The following DPY19L3 variants were observed in gnomAD, a reference collection of about 807,000 sequenced individuals.
DPY19L3 encodes the protein dpy-19 like C-mannosyltransferase 3.
DPY19L3 carries 51 observed loss-of-function variants against 92.3 expected under a neutral mutation model. The ratio of observed to expected loss-of-function variants is 0.55; its 90% confidence interval spans 0.44 to 0.70. DPY19L3 has a LOEUF of 0.70. Ranked by LOEUF, DPY19L3 falls within the 30% of genes least tolerant of loss-of-function variation. The probability of loss-of-function intolerance (pLI) is 0.00; values close to 1 mark genes in which losing one functional copy is unlikely to be tolerated. For synonymous variants in DPY19L3, 309 were observed against 315.2 expected (o/e 0.98, Z 0.21); for missense variants, 706 against 855.9 (o/e 0.82, Z 2.18).
chr19:32,478,680 C>T (rs538154668), intron 17 of DPY19L3, among the ~76,000 whole-genome samples: 12 of 152,308 alleles, frequency 7.9e-5, no homozygotes, highest in African/African-American at 2.6e-4. Flanking sequence ...TCTGCTTCTT[C>T]GGCATTTAAT....
At chr19:32,426,651 T>C (rs1968775391) in intron 3 of DPY19L3, among the ~76,000 whole-genome samples, 1 of 152,170 alleles carries the variant, frequency 6.6e-6, no homozygotes. Context: ...AACACACACA[T>C]TTCAGTTCAC....
intron 15 of DPY19L3, among the ~76,000 whole-genome samples, chr19:32,467,202 G>A (rs1970227333): frequency 6.6e-6 from 1 of 152,160 alleles, no homozygotes; most frequent in African/African-American, 2.4e-5. Flanking sequence ...AGTTAATTCA[G>A]CACTTTCATA....
rs1599654911 is a variant in DPY19L3, at chr19:32,459,201, G to T, written c.1322+692G>T. On this transcript the variant is annotated intron_variant, in intron 12 of 18. Coordinates refer to ENST00000392250, the MANE Select transcript of DPY19L3 (RefSeq NM_001172774.2). Reference sequence around the variant, plus strand: ...GAAAGAAAAAAATCAGGAGTATGAAGGCTTTTTAAAAACTTGTAAGAATAT... The same window carrying T: ...GAAAGAAAAAAATCAGGAGTATGAATGCTTTTTAAAAACTTGTAAGAATAT... 2.0e-5 allele frequency among the ~76,000 whole-genome samples: 3 copies of T among 152,168 alleles called. No individual in the cohort carries two copies. In the South Asian group the frequency reaches 6.2e-4, roughly 32 times the overall value.
In DPY19L3 at chr19:32,482,313, T is replaced by G; in HGVS notation, c.*73T>G. ...ATGATGAAACTCAATAGATGACGTT[T>G]CCTATGTAAGTAGGTAGCCCAAACC... On this transcript the variant is annotated 3_prime_UTR_variant, in exon 19 of 19. Coordinates refer to ENST00000392250, the MANE Select transcript of DPY19L3 (RefSeq NM_001172774.2). 1 of 1,544,832 alleles carries G rather than the reference T, an allele frequency of 6.5e-7. No individual in the cohort carries two copies. Among genetic ancestry groups the G allele is most frequent in the Non-Finnish European group, 8.7e-7 (1 of 1,143,318 alleles).
chr19:32,460,295 TAAC>T lies in DPY19L3; in HGVS notation c.1322+1789_1322+1791del, dbSNP rs1211641234. 4.6e-5 allele frequency among the ~76,000 whole-genome samples: 7 copies of T among 152,188 alleles called. No homozygotes were observed. In the East Asian group the frequency reaches 1.4e-3, roughly 29 times the overall value. ...GCACGATGGTGCAAACCTGTAGTGC[TAAC>T]AAGTCGGGAGGCTAAGGCGGGAGGA... On this transcript the variant is annotated intron_variant, in intron 12 of 18. Coordinates refer to ENST00000392250, the MANE Select transcript of DPY19L3 (RefSeq NM_001172774.2).
At chr19:32,463,761 A>G (rs1970114829) in intron 13 of DPY19L3, 108 bp from the exon 14 acceptor site, 1 of 1,006,056 alleles carries the variant, frequency 9.9e-7, no homozygotes, top group Admixed American at 2.1e-5. Flanking sequence ...CATAGTTTTA[A>G]GTAAGATTTT....
chr19:32,470,781 C>CTTTTT (rs71336911), intron 16 of DPY19L3, among the ~76,000 whole-genome samples: 41 of 91,214 alleles, frequency 4.5e-4, no homozygotes, highest in South Asian at 1.8e-3. Flanking sequence ...ATTCCTTTGG[C>CTTTTT]TTTTTTTTTT....
intron 6 of DPY19L3, among the ~76,000 whole-genome samples, chr19:32,438,537 G>GTA (rs1969221714): frequency 6.6e-6 from 1 of 151,786 alleles, no homozygotes; most frequent in African/African-American, 2.4e-5. Flanking sequence ...GTAGATATAG[G>GTA]TACCTTGTTT....
At chr19:32,444,511 A>C (rs115012368) in intron 8 of DPY19L3, among the ~76,000 whole-genome samples, 2,013 of 152,308 alleles carry the variant, frequency 0.013, 52 homozygotes, top group African/African-American at 0.046. Flanking sequence ...TCCCAGAAGA[A>C]GACAAGAAAA....
At chr19:32,461,194 GC>G (rs1208287236) in intron 12 of DPY19L3, among the ~76,000 whole-genome samples, 1 of 151,690 alleles carries the variant, frequency 6.6e-6, no homozygotes, top group East Asian at 1.9e-4. Flanking sequence ...GTAGACATCT[GC>G]ATTAGTGTGA....
rs184277532 is a variant in DPY19L3, at chr19:32,465,288, A to G, written c.1614+504A>G. Among the ~76,000 whole-genome samples, 268 of 152,294 alleles carry G rather than the reference A, an allele frequency of 1.8e-3. 6 individuals carry two copies. In the South Asian group the frequency reaches 0.034, roughly 19 times the overall value. On this transcript the variant is annotated intron_variant, in intron 15 of 18. Transcript: ENST00000392250. ...AATAGGAAGTATCTGGATTTTTCAT[A>G]TTCTCATTTGACTAGTTTCTGAAAC...
chr19:32,420,994 A>G (rs370986992), intron 3 of DPY19L3, among the ~76,000 whole-genome samples: 30 of 152,256 alleles, frequency 2.0e-4, no homozygotes, highest in East Asian at 1.9e-3. Flanking sequence ...TTTATAATCT[A>G]CCTTATCTGC....
intron 12 of DPY19L3, among the ~76,000 whole-genome samples, chr19:32,462,438 A>G (rs912855438): frequency 4.6e-5 from 7 of 152,208 alleles, no homozygotes; most frequent in South Asian, 2.1e-4. Flanking sequence ...AGTTTCCTCA[A>G]TAACAAACCA....
At chr19:32,445,049 C>T (rs1969441918) in intron 8 of DPY19L3, among the ~76,000 whole-genome samples, 1 of 146,582 alleles carries the variant, frequency 6.8e-6, no homozygotes, top group African/African-American at 2.5e-5. Context: ...GCATTCTAAC[C>T]TGGGCAACAG....
chr19:32,484,753 T>C lies in DPY19L3; in HGVS notation c.*2513T>C, dbSNP rs1199614830. 3.3e-5 allele frequency: 5 copies of C among 152,264 alleles called. No individual in the cohort carries two copies. Among genetic ancestry groups the C allele is most frequent in the South Asian group, 2.1e-4 (1 of 4,818 alleles). The allele number at this position is 152,264 out of a possible 1,614,324, so 9.4% of individuals were successfully genotyped here. Reference sequence around the variant, plus strand: ...TCCATGCAAGTTCTGCTTCCTCTTATAAGTACACAACTCAGTTAAGTATTC... The same window carrying C: ...TCCATGCAAGTTCTGCTTCCTCTTACAAGTACACAACTCAGTTAAGTATTC... On this transcript the variant is annotated 3_prime_UTR_variant, in exon 19 of 19. Coordinates refer to ENST00000392250, the MANE Select transcript of DPY19L3 (RefSeq NM_001172774.2).
chr19:32,437,204 A>G lies in DPY19L3; in HGVS notation c.461A>G (p.Glu154Gly). The G allele has an allele frequency of 6.2e-7, 1 of 1,613,898 alleles. No individual in the cohort carries two copies. The highest frequency in any genetic ancestry group is 8.5e-7 in the Non-Finnish European group (1 of 1,179,946). Residue 154 changes from glutamate to glycine, a missense_variant, in exon 6 of 19, where the codon GAG becomes GGG. By Grantham distance (98) the Glu-to-Gly change is moderately conservative. Coordinates refer to ENST00000392250, the MANE Select transcript of DPY19L3 (RefSeq NM_001172774.2). ...YRVLPIQKYL[E>G]PVYFYIYTLF... ...TGTTCCCTTTTACAGAAATATTTAG[A>G]GCCAGTTTATTTTTATATTTACACC...
intron 3 of DPY19L3, among the ~76,000 whole-genome samples, chr19:32,422,629 A>AACAC (rs66481682): frequency 0.4 from 58,012 of 146,560 alleles, 12,428 homozygotes; most frequent in Non-Finnish European, 0.5. Context: ...AATCAGGAAA[A>AACAC]ACACACACAC....
At chr19:32,411,168 T>C in intron 2 of DPY19L3, 71 bp from the exon 3 acceptor site, 1 of 1,488,046 alleles carries the variant, frequency 6.7e-7, no homozygotes, top group Non-Finnish European at 9.1e-7. Context: ...TACTTGATAA[T>C]CTGAAGTAGA....
Position 32,482,650 on chromosome 19 carries a change from A to G in DPY19L3, c.*410A>G, listed in dbSNP as rs1032850515. On this transcript the variant is annotated 3_prime_UTR_variant, in exon 19 of 19. Coordinates refer to ENST00000392250, the MANE Select transcript of DPY19L3 (RefSeq NM_001172774.2). Reference sequence around the variant, plus strand: ...TTGAATCAACTAGAGATGATGATCGACTTATTTAATATGATTTCACTGGTG... The same window carrying G: ...TTGAATCAACTAGAGATGATGATCGGCTTATTTAATATGATTTCACTGGTG... 6.4e-6 allele frequency: 1 copy of G among 155,694 alleles called. No homozygotes were observed. Among genetic ancestry groups the G allele is most frequent in the African/African-American group, 2.4e-5 (1 of 41,560 alleles). 9.6% of individuals were successfully genotyped at this position (155,694 alleles called of 1,614,324 possible).
Sources: allele counts gnomAD v4.1 joint callset (sites outside exome capture counted in the v4.1 genomes callset), GRCh38; gene constraint gnomAD v4.1.1; transcripts MANE v1.5; gene names NCBI Gene and HGNC (gene_info 2026-07-23, HGNC 2026-07-21).